Variants in HCN1 observed in about 807,000 individuals in gnomAD.
The protein encoded by HCN1 is hyperpolarization activated cyclic nucleotide gated potassium channel 1.
A neutral mutation model predicts 78.9 loss-of-function variants in HCN1; 13 were observed. The observed-to-expected ratio is 0.16, with a 90% CI of 0.11 to 0.26. The LOEUF (loss-of-function observed/expected upper bound fraction) is 0.26. Among genes scored for constraint, HCN1 ranks in the 10% least tolerant of loss-of-function variants. HCN1 has a pLI of 1.00. For synonymous variants in HCN1, 552 were observed against 455.5 expected (o/e 1.21, Z -2.70); for missense variants, 810 against 1,154.3 (o/e 0.70, Z 4.32).
chr5:45,595,534 T>C (rs559004501), intron 2 of HCN1, among the ~76,000 whole-genome samples: 4 of 152,138 alleles, frequency 2.6e-5, no homozygotes, highest in Non-Finnish European at 4.4e-5. Flanking sequence ...AATTGTTTTG[T>C]CTCATTTTGC....
chr5:45,551,413 C>T (rs947118524), intron 2 of HCN1, among the ~76,000 whole-genome samples: 1 of 151,112 alleles, frequency 6.6e-6, no homozygotes, highest in Admixed American at 6.6e-5. Context: ...AGAAATATAT[C>T]CAAGAGTTTA....
At chr5:45,363,131 A>ATT (rs1180081386) in intron 4 of HCN1, among the ~76,000 whole-genome samples, 2 of 118,462 alleles carry the variant, frequency 1.7e-5, no homozygotes, top group Non-Finnish European at 3.3e-5. Flanking sequence ...TATATAACAT[A>ATT]TTATATATAT....
At chr5:45,321,323 T>G (rs79136099) in intron 5 of HCN1, among the ~76,000 whole-genome samples, 5,307 of 151,904 alleles carry the variant, frequency 0.035, 339 homozygotes, top group African/African-American at 0.12. Context: ...AACGTAACAA[T>G]AAACTTAAAT....
intron 5 of HCN1, among the ~76,000 whole-genome samples, chr5:45,334,711 T>C (rs1449542933): frequency 6.6e-6 from 1 of 151,996 alleles, no homozygotes; most frequent in Non-Finnish European, 1.5e-5. Flanking sequence ...GACAACGCTC[T>C]AGGCCAAAAG....
chr5:45,318,276 A>T (rs1746043805), intron 5 of HCN1, among the ~76,000 whole-genome samples: 1 of 152,136 alleles, frequency 6.6e-6, no homozygotes, highest in African/African-American at 2.4e-5. Context: ...GACATGGATG[A>T]AGCTGGAAAC....
At chr5:45,317,588 T>G (rs561285150) in intron 5 of HCN1, among the ~76,000 whole-genome samples, 190 of 152,158 alleles carry the variant, frequency 1.2e-3, no homozygotes, top group African/African-American at 4.6e-3. Context: ...CTAAAGAGCT[T>G]CTGCACAGCA....
chr5:45,343,340 C>T (rs183147312), intron 5 of HCN1, among the ~76,000 whole-genome samples: 103 of 152,188 alleles, frequency 6.8e-4, no homozygotes, highest in African/African-American at 2.3e-3. Context: ...TTAATTTGAC[C>T]GTGGTATTTT....
At chr5:45,597,829 A>G (rs1744531974) in intron 2 of HCN1, among the ~76,000 whole-genome samples, 1 of 152,202 alleles carries the variant, frequency 6.6e-6, no homozygotes, top group Non-Finnish European at 1.5e-5. Flanking sequence ...TACAAAGAGA[A>G]TAAAATACCT....
At chr5:45,289,729 T>C (rs1372034184) in intron 6 of HCN1, among the ~76,000 whole-genome samples, 3 of 152,068 alleles carry the variant, frequency 2.0e-5, no homozygotes, top group Non-Finnish European at 4.4e-5. Context: ...TATTCAGCAC[T>C]GTATTAGTTC....
At chr5:45,505,200 G>C (rs561148965) in intron 2 of HCN1, among the ~76,000 whole-genome samples, 2 of 152,124 alleles carry the variant, frequency 1.3e-5, no homozygotes, top group South Asian at 4.1e-4. Flanking sequence ...GAATGGTATT[G>C]CCTAGGTTTT....
intron 2 of HCN1, among the ~76,000 whole-genome samples, chr5:45,539,438 G>A (rs1389484390): frequency 1.3e-5 from 2 of 151,230 alleles, no homozygotes; most frequent in Admixed American, 6.6e-5. Flanking sequence ...CGAGGTGGGC[G>A]GATCACGAGG....
chr5:45,660,581 T>A (rs1745910402), intron 1 of HCN1, among the ~76,000 whole-genome samples: 1 of 152,036 alleles, frequency 6.6e-6, no homozygotes, highest in Non-Finnish European at 1.5e-5. Flanking sequence ...GAGACACACA[T>A]AGGCTCAAAA....
At chr5:45,691,394 A>C (rs1185780303) in intron 1 of HCN1, among the ~76,000 whole-genome samples, 1 of 152,134 alleles carries the variant, frequency 6.6e-6, no homozygotes, top group Non-Finnish European at 1.5e-5. Context: ...ACTAAATGCA[A>C]CAGTGAAACA....
chr5:45,691,645 C>A (rs1739915221), intron 1 of HCN1, among the ~76,000 whole-genome samples: 1 of 152,142 alleles, frequency 6.6e-6, no homozygotes, highest in Non-Finnish European at 1.5e-5. Flanking sequence ...GCATTGCTGG[C>A]AGATACAGAG....
chr5:45,625,480 G>A (rs1745145549), intron 2 of HCN1, among the ~76,000 whole-genome samples: 1 of 151,846 alleles, frequency 6.6e-6, no homozygotes, highest in Non-Finnish European at 1.5e-5. Flanking sequence ...TACCAACTGT[G>A]CCTAGTACCT....
chr5:45,646,367 CTTTTTTT>C (rs201964510), intron 1 of HCN1, among the ~76,000 whole-genome samples: 13 of 123,494 alleles, frequency 1.1e-4, no homozygotes, highest in African/African-American at 2.2e-4. Context: ...TTCTTTCTTT[CTTTTTTT>C]TTTTTTTTTT....
intron 5 of HCN1, among the ~76,000 whole-genome samples, chr5:45,351,042 A>G (rs1746889228): frequency 6.6e-6 from 1 of 152,138 alleles, no homozygotes; most frequent in Non-Finnish European, 1.5e-5. Flanking sequence ...ATACATATGG[A>G]ACCAAAAAAG....
chr5:45,375,302 T>C (rs1186705038), intron 4 of HCN1, among the ~76,000 whole-genome samples: 1 of 117,578 alleles, frequency 8.5e-6, no homozygotes, highest in African/African-American at 3.4e-5. Flanking sequence ...TATTTCATGA[T>C]ATACAATATA....
chr5:45,611,552 A>G (rs1744837749), intron 2 of HCN1, among the ~76,000 whole-genome samples: 1 of 151,968 alleles, frequency 6.6e-6, no homozygotes, highest in South Asian at 2.1e-4. Context: ...GATTACATGC[A>G]TGAGCCACGG....
Sources: gnomAD v4.1 joint callset for allele counts (sites outside exome capture counted in the v4.1 genomes callset) on GRCh38, gnomAD v4.1.1 for gene constraint, MANE v1.5 for transcripts, NCBI Gene and HGNC (gene_info 2026-07-23, HGNC 2026-07-21) for gene names.